The following FAT3 variants were observed in gnomAD, a reference collection of about 807,000 sequenced individuals.
FAT3 encodes the protein protocadherin Fat 3.
FAT3 carries 95 observed loss-of-function variants against 310.2 expected under a neutral mutation model. That is an observed-to-expected ratio of 0.31 (90% CI 0.26 to 0.36). The LOEUF (loss-of-function observed/expected upper bound fraction) is 0.36, where lower values mean the gene tolerates loss of function less well. Among genes scored for constraint, FAT3 ranks in the 10% least tolerant of loss-of-function variants. The pLI is 1.00. For missense variants in FAT3, 5,408 were observed against 5,715.6 expected (o/e 0.95, Z 1.74); for synonymous variants, 2,314 against 2,192.9 (o/e 1.06, Z -1.54).
At chr11:92,227,249 A>T (rs1243175458) in intron 1 of FAT3, among the ~76,000 whole-genome samples, 1 of 152,204 alleles carries the variant, frequency 6.6e-6, no homozygotes, top group Admixed American at 6.5e-5. Context: ...CCCCGACGCT[A>T]GTCTTTTCAA....
chr11:92,667,355 C>T (rs1942987805), intron 3 of FAT3, among the ~76,000 whole-genome samples: 1 of 152,138 alleles, frequency 6.6e-6, no homozygotes, highest in Non-Finnish European at 1.5e-5. Context: ...CCCTTCTCCA[C>T]ACCTTCTTGT....
At chr11:92,373,002 A>G (rs920015107) in intron 2 of FAT3, among the ~76,000 whole-genome samples, 5 of 152,114 alleles carry the variant, frequency 3.3e-5, no homozygotes, top group African/African-American at 1.2e-4. Context: ...TCTTGCAAGT[A>G]TCCGAAGTCA....
chr11:92,482,074 C>T (rs943745589), intron 2 of FAT3, among the ~76,000 whole-genome samples: 4 of 151,946 alleles, frequency 2.6e-5, no homozygotes, highest in African/African-American at 7.2e-5. Flanking sequence ...TGTTCTTAAA[C>T]GTGGTCTTTT....
At chr11:92,767,238 C>T (rs1342113666) in intron 6 of FAT3, among the ~76,000 whole-genome samples, 1 of 134,818 alleles carries the variant, frequency 7.4e-6, no homozygotes, top group Non-Finnish European at 1.5e-5. Context: ...GGCAACAGAG[C>T]AAGACTCTGT....
intron 3 of FAT3, among the ~76,000 whole-genome samples, chr11:92,667,690 C>T (rs1297178885): frequency 6.6e-6 from 1 of 152,130 alleles, no homozygotes; most frequent in African/African-American, 2.4e-5. Context: ...AGGTGGCAGC[C>T]CCCTTTCTCT....
rs967812351 is a variant in FAT3, at chr11:92,671,032, G to GTTTTTGT, written c.3608-26332_3608-26326dup. The stretch of plus-strand genomic sequence containing the variant: ...TGACACCATCACTCCTTGGCTCACG[G>GTTTTTGT]TTTTTGTTTTTTGTTTTTTGTTTTT... On this transcript the variant is annotated intron_variant, in intron 3 of 27. Coordinates refer to ENST00000525166, the MANE Select transcript of FAT3 (RefSeq NM_001367949.2). Among the ~76,000 whole-genome samples the GTTTTTGT allele has an allele frequency of 4.0e-4, 61 of 151,944 alleles. No individual in the cohort carries two copies. In the East Asian group the frequency reaches 4.8e-3, roughly 12 times the overall value.
intron 22 of FAT3, among the ~76,000 whole-genome samples, chr11:92,867,787 G>A (rs1335854234): frequency 6.6e-6 from 1 of 152,224 alleles, no homozygotes; most frequent in East Asian, 1.9e-4. Context: ...GGAGTAGAAA[G>A]TCAAGAATAA....
chr11:92,581,656 G>T (rs1055168714), intron 3 of FAT3, among the ~76,000 whole-genome samples: 1 of 150,256 alleles, frequency 6.7e-6, no homozygotes. Context: ...GTCTGCCAAG[G>T]GGGGGGATTA....
At chr11:92,584,827 A>T (rs911812961) in intron 3 of FAT3, among the ~76,000 whole-genome samples, 6 of 152,194 alleles carry the variant, frequency 3.9e-5, no homozygotes, top group South Asian at 2.1e-4. Context: ...CAAGGATTGA[A>T]AAAAAGAAAG....
chr11:92,366,464 G>T, intron 2 of FAT3: 1 of 398,168 alleles, frequency 2.5e-6, no homozygotes, highest in Non-Finnish European at 5.0e-6. Flanking sequence ...CAGGGAGGGT[G>T]CTCCTGGGGA....
At chr11:92,582,579 T>A (rs1205155176) in intron 3 of FAT3, among the ~76,000 whole-genome samples, 4 of 152,068 alleles carry the variant, frequency 2.6e-5, no homozygotes, top group Non-Finnish European at 5.9e-5. Context: ...ATAAGGAAAC[T>A]GAGGCTCAGA....
intron 2 of FAT3, among the ~76,000 whole-genome samples, chr11:92,398,685 T>C (rs1949943723): frequency 6.6e-6 from 1 of 152,280 alleles, no homozygotes; most frequent in Non-Finnish European, 1.5e-5. Context: ...CTCCAACCTA[T>C]TGTGTTTAGG....
chr11:92,230,555 A>C (rs1003943260), intron 1 of FAT3, among the ~76,000 whole-genome samples: 1 of 152,094 alleles, frequency 6.6e-6, no homozygotes, highest in Non-Finnish European at 1.5e-5. Context: ...CGGCCTCCCA[A>C]AGTGCTCGGA....
intron 24 of FAT3, among the ~76,000 whole-genome samples, chr11:92,885,805 G>A (rs1198751373): frequency 6.6e-6 from 1 of 152,158 alleles, no homozygotes; most frequent in Non-Finnish European, 1.5e-5. Flanking sequence ...TGCACACCTT[G>A]TGGTTTTCTG....
intron 2 of FAT3, among the ~76,000 whole-genome samples, chr11:92,459,647 G>C (rs968033669): frequency 3.3e-5 from 5 of 152,120 alleles, no homozygotes; most frequent in Non-Finnish European, 7.3e-5. Context: ...GATAATTTTG[G>C]TCAAACCTTT....
intron 2 of FAT3, among the ~76,000 whole-genome samples, chr11:92,450,215 T>A (rs995297042): frequency 2.0e-5 from 3 of 152,212 alleles, no homozygotes; most frequent in Non-Finnish European, 4.4e-5. Flanking sequence ...AATTTCTCCT[T>A]CTTTTAAATG....
At chr11:92,838,815 C>A (rs559530566) in intron 17 of FAT3, among the ~76,000 whole-genome samples, 1 of 152,292 alleles carries the variant, frequency 6.6e-6, no homozygotes, top group East Asian at 1.9e-4. Flanking sequence ...ACTGAGCTGT[C>A]CAGCAATCAG....
chr11:92,554,848 A>T (rs1236810964), intron 3 of FAT3, among the ~76,000 whole-genome samples: 2 of 152,172 alleles, frequency 1.3e-5, no homozygotes, highest in East Asian at 1.9e-4. Flanking sequence ...TCACTACAGA[A>T]GTGTGAAGCA....
chr11:92,809,699 AC>A (rs1947614256), intron 12 of FAT3, 143 bp from the exon 13 acceptor site: 2 of 630,274 alleles, frequency 3.2e-6, no homozygotes, highest in South Asian at 4.3e-5. Flanking sequence ...TGAATTTGCT[AC>A]ATTTTTAAAG....
Sources: allele counts gnomAD v4.1 joint callset (sites outside exome capture counted in the v4.1 genomes callset), GRCh38; gene constraint gnomAD v4.1.1; transcripts MANE v1.5; gene names NCBI Gene and HGNC (gene_info 2026-07-23, HGNC 2026-07-21).